PGRMC2: variants seen among roughly 807,000 people sequenced by gnomAD.
PGRMC2 encodes the protein membrane-associated progesterone receptor component 2.
In PGRMC2, 9 loss-of-function variants were observed where a neutral mutation model predicts 19.3. The observed-to-expected ratio is 0.47, with a 90% CI of 0.28 to 0.81. PGRMC2 has a LOEUF of 0.81. Ranked by LOEUF, PGRMC2 falls within the 40% of genes least tolerant of loss-of-function variation. The probability of loss-of-function intolerance (pLI) is 0.11; values close to 1 mark genes in which losing one functional copy is unlikely to be tolerated. For missense variants in PGRMC2, 289 were observed against 297.3 expected (o/e 0.97, Z 0.21); for synonymous variants, 157 against 124.6 (o/e 1.26, Z -1.73).
intron 1 of PGRMC2, chr4:128,287,006 CA>C (rs1311736666): frequency 8.2e-6 from 3 of 364,564 alleles, no homozygotes; most frequent in South Asian, 1.4e-4. Flanking sequence ...TCAGGAGACT[CA>C]AAAAAGGTTA....
intron 1 of PGRMC2, among the ~76,000 whole-genome samples, chr4:128,281,782 A>C (rs963643927): frequency 5.9e-5 from 9 of 152,204 alleles, no homozygotes; most frequent in African/African-American, 1.9e-4. Flanking sequence ...TAAAATCTGA[A>C]AATCAACAGT....
At chr4:128,271,562 C>G in intron 2 of PGRMC2, 149 bp from the exon 3 acceptor site, 1 of 532,306 alleles carries the variant, frequency 1.9e-6, no homozygotes, top group East Asian at 3.1e-5. Context: ...TTCACCATGG[C>G]TGGTCTTTAT....
intron 1 of PGRMC2, among the ~76,000 whole-genome samples, chr4:128,276,999 T>A (rs530053456): frequency 3.2e-4 from 48 of 152,020 alleles, no homozygotes; most frequent in Non-Finnish European, 1.0e-4. Context: ...TACTAAAAAA[T>A]ACAAAAAATT....
chr4:128,287,696 C>T lies in PGRMC2; in HGVS notation c.95G>A (p.Gly32Glu), dbSNP rs1258251544. Residue 32 changes from glycine to glutamate, a missense_variant, in exon 1 of 3, where the codon GGA becomes GAA. Transcript: ENST00000296425. ...CCAGCCTCCCCCTTCCGCTGCCGCT[C>T]CCGCGTCGCCTGGACTCTCGCTGCC... is the stretch of plus-strand genomic sequence containing the variant. The part of the protein sequence containing the change: ...DGGSESPGDA[G>E]AAAEGGGWAA... The T allele has an allele frequency of 2.6e-6, 4 of 1,523,578 alleles. No homozygotes were observed. The African/African-American group carries it at 4.1e-5, about 16-fold the overall frequency. 94.4% of individuals were successfully genotyped at this position (1,523,578 alleles called of 1,614,324 possible).
At chr4:128,272,760 TCAATTA>T (rs1396493597) in intron 1 of PGRMC2, 3 of 321,954 alleles carry the variant, frequency 9.3e-6, no homozygotes, top group Admixed American at 4.9e-5. Flanking sequence ...ACCCTCAATT[TCAATTA>T]CTTCAGATAT....
rs940322212 is a variant in PGRMC2, at chr4:128,269,938, T to C, written c.*1378A>G. The C allele has an allele frequency of 1.3e-5, 2 of 152,636 alleles. No individual in the cohort carries two copies. The highest frequency in any genetic ancestry group is 4.8e-5 in the African/African-American group (2 of 41,458). The allele number at this position is 152,636 out of a possible 1,614,324, so 9.5% of individuals were successfully genotyped here. On this transcript the variant is annotated 3_prime_UTR_variant, in exon 3 of 3. Coordinates refer to ENST00000296425, the MANE Select transcript of PGRMC2 (RefSeq NM_006320.6). The stretch of plus-strand genomic sequence containing the variant: ...TATACCAATTCTTACCTGAATAATC[T>C]TGGATTTCTGGAGAATGTTCCACAA...
Position 128,287,794 on chromosome 4 carries a change from T to C in PGRMC2, c.-4A>G, listed in dbSNP as rs750169131. 7 of 1,506,912 alleles carry C rather than the reference T, an allele frequency of 4.6e-6. No homozygotes were observed. The Admixed American group carries it at 1.0e-4, about 23-fold the overall frequency. 93.3% of individuals were successfully genotyped at this position (1,506,912 alleles called of 1,614,324 possible). A position where few individuals can be genotyped will look rare whatever the true frequency, so the allele number is the denominator to read the frequency against. On this transcript the variant is annotated 5_prime_UTR_variant, in exon 1 of 3. Coordinates refer to ENST00000296425, the MANE Select transcript of PGRMC2 (RefSeq NM_006320.6). ...CGTCCCCATCACCAGCCGCCATCAC[T>C]GCCCGCCAGCGCCTTCCTCCTCCTC...
chr4:128,275,459 G>A (rs1760795848), intron 1 of PGRMC2, among the ~76,000 whole-genome samples: 1 of 151,996 alleles, frequency 6.6e-6, no homozygotes, highest in Non-Finnish European at 1.5e-5. Context: ...CTCTTTCTGG[G>A]GTACTGGGGG....
At chr4:128,274,218 C>A (rs1760772105) in intron 1 of PGRMC2, among the ~76,000 whole-genome samples, 1 of 152,146 alleles carries the variant, frequency 6.6e-6, no homozygotes, top group South Asian at 2.1e-4. Flanking sequence ...ATCATCTCAA[C>A]TGACATTCAA....
In PGRMC2 at chr4:128,287,709, G is replaced by C; in HGVS notation, c.82C>G (p.Pro28Ala). 6.6e-7 allele frequency: 1 copy of C among 1,508,752 alleles called. No individual in the cohort carries two copies. Among genetic ancestry groups the C allele is most frequent in the Admixed American group, 1.9e-5 (1 of 51,420 alleles). 93.5% of individuals were successfully genotyped at this position (1,508,752 alleles called of 1,614,324 possible). A position where few individuals can be genotyped will look rare whatever the true frequency, so the allele number is the denominator to read the frequency against. Residue 28 changes from proline to alanine, a missense_variant, in exon 1 of 3, where the codon CCA (proline) becomes GCA (alanine). By Grantham distance (27) the Pro-to-Ala change is conservative. Coordinates refer to ENST00000296425, the MANE Select transcript of PGRMC2 (RefSeq NM_006320.6). ...TCCGCTGCCGCTCCCGCGTCGCCTG[G>C]ACTCTCGCTGCCGCCGTCGTTGCTG... ...ESSNDGGSES[P>A]GDAGAAAEGG...
chr4:128,280,701 G>A (rs763708670), intron 1 of PGRMC2, among the ~76,000 whole-genome samples: 21 of 152,122 alleles, frequency 1.4e-4, no homozygotes, highest in East Asian at 5.8e-4. Flanking sequence ...GGGCTCAAGC[G>A]ATCTTAATAC....
At chr4:128,278,117 G>A (rs960103317) in intron 1 of PGRMC2, among the ~76,000 whole-genome samples, 3 of 152,206 alleles carry the variant, frequency 2.0e-5, no homozygotes, top group African/African-American at 7.2e-5. Flanking sequence ...AAAAGCCCAG[G>A]CCCGTGCCAC....
intron 1 of PGRMC2, among the ~76,000 whole-genome samples, chr4:128,285,828 T>C (rs3796500): frequency 0.16 from 24,659 of 152,108 alleles, 2,597 homozygotes; most frequent in Admixed American, 0.27. Context: ...AACAAAAATG[T>C]ATTAACCATT....
In PGRMC2 at chr4:128,269,743, GAT is replaced by G. The variant is rs1037067680; in HGVS notation, c.*1571_*1572del. Reference sequence around the variant, plus strand: ...GTAGTCATAATGAAATAAAGTAATTGATATATGAGGGGCTTTTAGTAAGGGCT... The same window carrying G: ...GTAGTCATAATGAAATAAAGTAATTGATATGAGGGGCTTTTAGTAAGGGCT... On this transcript the variant is annotated 3_prime_UTR_variant, in exon 3 of 3. Transcript: ENST00000296425. 2.0e-5 allele frequency: 3 copies of G among 152,242 alleles called. No homozygotes were observed. Among genetic ancestry groups the G allele is most frequent in the East Asian group, 1.9e-4 (1 of 5,188 alleles). 9.4% of individuals were successfully genotyped at this position (152,242 alleles called of 1,614,324 possible). A position where few individuals can be genotyped will look rare whatever the true frequency, so the allele number is the denominator to read the frequency against.
intron 1 of PGRMC2, among the ~76,000 whole-genome samples, chr4:128,284,283 G>A (rs1041792733): frequency 3.3e-5 from 5 of 152,168 alleles, no homozygotes; most frequent in African/African-American, 1.2e-4. Flanking sequence ...AGACATACAT[G>A]TAATCCAAGC....
chr4:128,284,058 G>A (rs1760949331), intron 1 of PGRMC2, among the ~76,000 whole-genome samples: 1 of 151,596 alleles, frequency 6.6e-6, no homozygotes, highest in Admixed American at 6.6e-5. Flanking sequence ...TGATCCGCTT[G>A]CCTCAGCCTC....
chr4:128,284,766 AG>A (rs749325512), intron 1 of PGRMC2, among the ~76,000 whole-genome samples: 24 of 152,376 alleles, frequency 1.6e-4, no homozygotes, highest in Non-Finnish European at 3.2e-4. Flanking sequence ...TTAATTTATG[AG>A]GATGAAAATA....
chr4:128,282,105 T>C (rs1760917746), intron 1 of PGRMC2, among the ~76,000 whole-genome samples: 1 of 152,226 alleles, frequency 6.6e-6, no homozygotes, highest in South Asian at 2.1e-4. Context: ...CTCTCTTCCT[T>C]AATAGACTAT....
At chr4:128,275,417 A>C (rs1045731918) in intron 1 of PGRMC2, among the ~76,000 whole-genome samples, 3 of 152,178 alleles carry the variant, frequency 2.0e-5, no homozygotes, top group African/African-American at 7.2e-5. Context: ...ACACTGAATG[A>C]ATAATAATAA....
Sources: gnomAD v4.1 joint callset for allele counts (sites outside exome capture counted in the v4.1 genomes callset) on GRCh38, gnomAD v4.1.1 for gene constraint, MANE v1.5 for transcripts, NCBI Gene and HGNC (gene_info 2026-07-23, HGNC 2026-07-21) for gene names.